Variants in CALHM5 observed in about 807,000 individuals in gnomAD.
CALHM5 encodes calcium homeostasis modulator family member 5.
CALHM5 carries 17 observed loss-of-function variants against 20.9 expected under a neutral mutation model. The ratio of observed to expected loss-of-function variants is 0.82; its 90% confidence interval spans 0.56 to 1.22. The LOEUF (loss-of-function observed/expected upper bound fraction) is 1.22. CALHM5 is among the 50% of genes most tolerant of loss of function. The probability of loss-of-function intolerance (pLI) is 0.00; values close to 1 mark genes in which losing one functional copy is unlikely to be tolerated. For missense variants in CALHM5, 360 were observed against 364.6 expected (o/e 0.99, Z 0.10); for synonymous variants, 148 against 140.0 (o/e 1.06, Z -0.40).
intron 1 of CALHM5, 170 bp downstream of exon 1, chr6:116,512,406 G>T (rs1277453922): frequency 1.4e-6 from 1 of 738,676 alleles, no homozygotes; most frequent in Non-Finnish European, 2.1e-6. Context: ...TGAAAGGCTG[G>T]GTGGCTCAAT....
chr6:116,515,044 T>A (rs904948974), intron 1 of CALHM5, among the ~76,000 whole-genome samples: 2 of 152,214 alleles, frequency 1.3e-5, no homozygotes, highest in Admixed American at 1.3e-4. Context: ...AGACAAATCA[T>A]TTTCAAGGTT....
At chr6:116,515,041 T>C (rs1206501846) in intron 1 of CALHM5, among the ~76,000 whole-genome samples, 2 of 152,206 alleles carry the variant, frequency 1.3e-5, no homozygotes, top group Non-Finnish European at 2.9e-5. Context: ...TCAAGACAAA[T>C]CATTTTCAAG....
Position 116,515,729 on chromosome 6 carries a change from G to A in CALHM5, c.670G>A (p.Glu224Lys), listed in dbSNP as rs1389278272. 1 of 1,613,996 alleles carries A rather than the reference G, an allele frequency of 6.2e-7. No homozygotes were observed. The highest frequency in any genetic ancestry group is 1.7e-5 in the Admixed American group (1 of 59,984). Residue 224 changes from glutamate to lysine, a missense_variant, in exon 2 of 2, where the codon GAG (glutamate) becomes AAG (lysine). Physicochemically the swap from Glu to Lys is moderately conservative, Grantham distance 56. Transcript: ENST00000368599. ...GAAGACATATGCACAAAAGGAGAAG[G>A]AGCAGTTGGAAAATACATTTCTGGA... ...FWKTYAQKEK[E>K]QLENTFLDYA...
In CALHM5 at chr6:116,520,430, G is replaced by A. The variant is rs1005433487; in HGVS notation, c.*4441G>A. On this transcript the variant is annotated 3_prime_UTR_variant, in exon 2 of 2. Coordinates refer to ENST00000368599, the MANE Select transcript of CALHM5 (RefSeq NM_153711.5). ...CAGAGGATATTAATTTCCTTTGTGG[G>A]TAGTGCTTGGACTTCTCTGATTTTA... The A allele has an allele frequency of 2.6e-5, 4 of 152,028 alleles. No homozygotes were observed. Among genetic ancestry groups the A allele is most frequent in the African/African-American group, 7.2e-5 (3 of 41,398 alleles). The allele number at this position is 152,028 out of a possible 1,614,324, so 9.4% of individuals were successfully genotyped here. A position where few individuals can be genotyped will look rare whatever the true frequency, so the allele number is the denominator to read the frequency against.
At position 116,521,342 on chromosome 6, in the gene CALHM5, C is replaced by T. The variant is rs923494048; in HGVS notation, c.*5353C>T. ...AATCAGGGAAATGTGTAGGGTGGCTCAAGTCCCAGTCTGAGGGCCTGAGAA... is the reference window on the plus strand; with the variant it reads ...AATCAGGGAAATGTGTAGGGTGGCTTAAGTCCCAGTCTGAGGGCCTGAGAA... On this transcript the variant is annotated 3_prime_UTR_variant, in exon 2 of 2. Coordinates refer to ENST00000368599, the MANE Select transcript of CALHM5 (RefSeq NM_153711.5). 2.0e-5 allele frequency: 3 copies of T among 151,982 alleles called. No individual in the cohort carries two copies. Among genetic ancestry groups the T allele is most frequent in the Admixed American group, 1.3e-4 (2 of 15,244 alleles). 9.4% of individuals were successfully genotyped at this position (151,982 alleles called of 1,614,324 possible).
At position 116,521,517 on chromosome 6, in the gene CALHM5, G is replaced by GGAGAGAGAGAGA. The variant is rs150273405; in HGVS notation, c.*5531_*5542dup. 13 of 149,792 alleles carry GGAGAGAGAGAGA rather than the reference G, an allele frequency of 8.7e-5. No homozygotes were observed. Among genetic ancestry groups the GGAGAGAGAGAGA allele is most frequent in the South Asian group, 6.3e-4 (3 of 4,758 alleles). 9.3% of individuals were successfully genotyped at this position (149,792 alleles called of 1,614,324 possible). Reference sequence around the variant, plus strand: ...TGACCCAACTCGAGTGGAGAGAGAGGGAGAGAGAGAGAGACAGAGAGCAAA... The same window carrying GGAGAGAGAGAGA: ...TGACCCAACTCGAGTGGAGAGAGAGGGAGAGAGAGAGAGAGAGAGAGAGAGACAGAGAGCAAA... On this transcript the variant is annotated 3_prime_UTR_variant, in exon 2 of 2. Coordinates refer to ENST00000368599, the MANE Select transcript of CALHM5 (RefSeq NM_153711.5).
intron 1 of CALHM5, among the ~76,000 whole-genome samples, chr6:116,512,745 A>AC (rs1319199346): frequency 2.0e-5 from 3 of 152,210 alleles, no homozygotes; most frequent in African/African-American, 7.2e-5. Flanking sequence ...ATTTCTGGCA[A>AC]CTGCTATCTC....
In CALHM5 at chr6:116,516,626, C is replaced by T. The variant is rs910886566; in HGVS notation, c.*637C>T. ...TGGGCTTTATGTACTTTTGCCTTTG[C>T]GAACCATTTCCTACATTCAAAATAG... On this transcript the variant is annotated 3_prime_UTR_variant, in exon 2 of 2. Transcript: ENST00000368599. 6.5e-5 allele frequency: 9 copies of T among 137,556 alleles called. No individual in the cohort carries two copies. The highest frequency in any genetic ancestry group is 1.6e-4 in the African/African-American group (6 of 36,480). The allele number at this position is 137,556 out of a possible 1,614,324, so 8.5% of individuals were successfully genotyped here.
rs946308922 is a variant in CALHM5, at chr6:116,521,897, C to A, written c.*5908C>A. The A allele has an allele frequency of 6.6e-6, 1 of 152,062 alleles. No individual in the cohort carries two copies. Among genetic ancestry groups the A allele is most frequent in the African/African-American group, 2.4e-5 (1 of 41,382 alleles). The allele number at this position is 152,062 out of a possible 1,614,324, so 9.4% of individuals were successfully genotyped here. A position where few individuals can be genotyped will look rare whatever the true frequency, so the allele number is the denominator to read the frequency against. On this transcript the variant is annotated 3_prime_UTR_variant, in exon 2 of 2. Transcript: ENST00000368599. Reference sequence around the variant, plus strand: ...TTGTTAAGCAGTATCACAGTTTATGCCTTGGTCTCTTACAATGTTGCAATG... The same window carrying A: ...TTGTTAAGCAGTATCACAGTTTATGACTTGGTCTCTTACAATGTTGCAATG...
chr6:116,518,731 T>G lies in CALHM5; in HGVS notation c.*2742T>G, dbSNP rs1255502538. Reference sequence around the variant, plus strand: ...TAAGGAGCTGAGGATTGAGGAGTCATATCTGGGGGATATTCCTGCCACCCT... The same window carrying G: ...TAAGGAGCTGAGGATTGAGGAGTCAGATCTGGGGGATATTCCTGCCACCCT... On this transcript the variant is annotated 3_prime_UTR_variant, in exon 2 of 2. Coordinates refer to ENST00000368599, the MANE Select transcript of CALHM5 (RefSeq NM_153711.5). 1 of 152,186 alleles carries G rather than the reference T, an allele frequency of 6.6e-6. No individual in the cohort carries two copies. The highest frequency in any genetic ancestry group is 1.5e-5 in the Non-Finnish European group (1 of 68,018). 9.4% of individuals were successfully genotyped at this position (152,186 alleles called of 1,614,324 possible).
chr6:116,523,969 C>T lies in CALHM5; in HGVS notation c.*7980C>T, dbSNP rs1018197419. 6.6e-6 allele frequency: 1 copy of T among 152,096 alleles called. No individual in the cohort carries two copies. Among genetic ancestry groups the T allele is most frequent in the African/African-American group, 2.4e-5 (1 of 41,408 alleles). The allele number at this position is 152,096 out of a possible 1,614,324, so 9.4% of individuals were successfully genotyped here. A position where few individuals can be genotyped will look rare whatever the true frequency, so the allele number is the denominator to read the frequency against. ...CTTATTTGTATCCTGTTTCCAACAA[C>T]CAACTGTAACAAGATATCTTTGAGA... On this transcript the variant is annotated 3_prime_UTR_variant, in exon 2 of 2. Coordinates refer to ENST00000368599, the MANE Select transcript of CALHM5 (RefSeq NM_153711.5).
chr6:116,512,493 A>C, intron 1 of CALHM5: 1 of 430,506 alleles, frequency 2.3e-6, no homozygotes, highest in South Asian at 4.8e-5. Context: ...ATAAATACTT[A>C]AGTACTTTAA....
chr6:116,514,381 G>GGTAGTGAAA (rs1772181774), intron 1 of CALHM5, among the ~76,000 whole-genome samples: 1 of 152,174 alleles, frequency 6.6e-6, no homozygotes, highest in Admixed American at 6.5e-5. Context: ...TTCACTTGAT[G>GGTAGTGAAA]GTAGTTGTGC....
Position 116,524,528 on chromosome 6 carries a change from C to T in CALHM5, c.*8539C>T, listed in dbSNP as rs912352513. On this transcript the variant is annotated 3_prime_UTR_variant, in exon 2 of 2. Transcript: ENST00000368599. ...TTTCTCTACATGAGTGTATTGTAAG[C>T]ATTACTTCATTGTCTTTTGTCATTG... is the stretch of plus-strand genomic sequence containing the variant. 6.6e-6 allele frequency: 1 copy of T among 152,208 alleles called. No homozygotes were observed. The highest frequency in any genetic ancestry group is 1.5e-5 in the Non-Finnish European group (1 of 68,036). The allele number at this position is 152,208 out of a possible 1,614,324, so 9.4% of individuals were successfully genotyped here.
chr6:116,513,242 T>G (rs1350782824), intron 1 of CALHM5, among the ~76,000 whole-genome samples: 1 of 152,224 alleles, frequency 6.6e-6, no homozygotes, highest in Non-Finnish European at 1.5e-5. Flanking sequence ...TTTAAAATCA[T>G]ACACTCCAAA....
rs1448389568 is a variant in CALHM5 at position 116,520,336 on chromosome 6, T to A, written c.*4347T>A. The A allele has an allele frequency of 6.6e-6, 1 of 152,184 alleles. No homozygotes were observed. Among genetic ancestry groups the A allele is most frequent in the African/African-American group, 2.4e-5 (1 of 41,444 alleles). The allele number at this position is 152,184 out of a possible 1,614,324, so 9.4% of individuals were successfully genotyped here. A position where few individuals can be genotyped will look rare whatever the true frequency, so the allele number is the denominator to read the frequency against. ...GGTGGTTCCGAATTCTCTAAGGTAA[T>A]TATCTTAATTTTCTAATATTTCCCT... On this transcript the variant is annotated 3_prime_UTR_variant, in exon 2 of 2. Transcript: ENST00000368599.
intron 1 of CALHM5, among the ~76,000 whole-genome samples, chr6:116,515,221 G>A (rs1169208482): frequency 2.0e-5 from 3 of 152,034 alleles, no homozygotes; most frequent in African/African-American, 7.2e-5. Context: ...CTGAAGAGCT[G>A]GTCATTTACT....
chr6:116,513,748 C>T (rs17078021), intron 1 of CALHM5, among the ~76,000 whole-genome samples: 2,654 of 152,132 alleles, frequency 0.017, 66 homozygotes, highest in South Asian at 0.066. Context: ...TGCCTGGAGG[C>T]GGAAAAGAAC....
At position 116,515,939 on chromosome 6, in the gene CALHM5, G is replaced by T. The variant is rs368164220; in HGVS notation, c.880G>T (p.Glu294Ter). ...VVDNGLQLSP[E>*]DDETTMVLVG... Reference sequence around the variant, plus strand: ...GGACAATGGTCTGCAACTTAGCCCTGAGGATGATGAGACGACAATGGTCCT... The same window carrying T: ...GGACAATGGTCTGCAACTTAGCCCTTAGGATGATGAGACGACAATGGTCCT... Residue 294 changes from glutamate (E) to a stop codon, truncating the protein, a stop_gained, in exon 2 of 2, where the codon GAG (glutamate) becomes TAG (stop). Transcript: ENST00000368599. LOFTEE classifies it high-confidence loss of function. The T allele has an allele frequency of 6.2e-7, 1 of 1,612,576 alleles. No individual in the cohort carries two copies. Among genetic ancestry groups the T allele is most frequent in the Middle Eastern group, 1.6e-4 (1 of 6,070 alleles).
Sources: allele counts gnomAD v4.1 joint callset (sites outside exome capture counted in the v4.1 genomes callset), GRCh38; gene constraint gnomAD v4.1.1; transcripts MANE v1.5; gene names NCBI Gene and HGNC (gene_info 2026-07-23, HGNC 2026-07-21).